Variants in AGBL1 observed in about 807,000 individuals in gnomAD.
AGBL1 encodes cytosolic carboxypeptidase 4.
Under a neutral mutation model 118.9 loss-of-function variants are expected in AGBL1, and 130 were observed. The observed-to-expected ratio is 1.09, with a 90% CI of 0.95 to 1.26. AGBL1 has a LOEUF of 1.26. Among genes scored for constraint, AGBL1 ranks in the 50% most tolerant of loss-of-function variants. The pLI, the probability that AGBL1 is intolerant of heterozygous loss-of-function variation, is 0.00. For missense variants in AGBL1, 1,584 were observed against 1,298.1 expected (o/e 1.22, Z -3.38); for synonymous variants, 555 against 478.9 (o/e 1.16, Z -2.08).
At chr15:86,117,567 G>A (rs1003771187) in intron 1 of AGBL1, among the ~76,000 whole-genome samples, 19 of 152,116 alleles carry the variant, frequency 1.2e-4, no homozygotes, top group African/African-American at 4.6e-4. Flanking sequence ...CACAGATGAG[G>A]AAACCAAGGC....
chr15:86,726,915 C>T (rs935430136), intron 22 of AGBL1, among the ~76,000 whole-genome samples: 1 of 152,140 alleles, frequency 6.6e-6, no homozygotes, highest in African/African-American at 2.4e-5. Context: ...TAGTTTCTGA[C>T]AAGGCTACAA....
chr15:86,329,691 C>A (rs2080240898), intron 17 of AGBL1, among the ~76,000 whole-genome samples: 1 of 152,160 alleles, frequency 6.6e-6, no homozygotes, highest in African/African-American at 2.4e-5. Context: ...GCACCCAAAG[C>A]ACCTCATTAC....
At chr15:86,495,782 TA>T in intron 18 of AGBL1, among the ~76,000 whole-genome samples, 1 of 152,102 alleles carries the variant, frequency 6.6e-6, no homozygotes. Flanking sequence ...CTGTTTGGTA[TA>T]TAATTTTTTA....
At chr15:86,865,020 C>T (rs1447928765) in intron 22 of AGBL1, among the ~76,000 whole-genome samples, 1 of 152,164 alleles carries the variant, frequency 6.6e-6, no homozygotes, top group Non-Finnish European at 1.5e-5. Context: ...AATATTTGTT[C>T]TCCCTGGAGC....
intron 21 of AGBL1, 88 bp from the exon 22 acceptor site, chr15:86,674,185 G>C (rs2085794889): frequency 8.0e-7 from 1 of 1,252,748 alleles, no homozygotes; most frequent in Admixed American, 2.1e-5. Flanking sequence ...AAATGCCTGT[G>C]TGTAGAAGTC....
chr15:86,218,101 A>G (rs1051867217), intron 5 of AGBL1, among the ~76,000 whole-genome samples: 10 of 152,174 alleles, frequency 6.6e-5, no homozygotes, highest in African/African-American at 2.4e-4. Context: ...AAGTTAAAAT[A>G]TATGTTCCAA....
intron 8 of AGBL1, among the ~76,000 whole-genome samples, chr15:86,257,274 C>G (rs777993878): frequency 6.6e-6 from 1 of 152,060 alleles, no homozygotes; most frequent in East Asian, 1.9e-4. Context: ...CTATCAAATG[C>G]CTGTACAGTC....
chr15:86,195,677 A>G lies in AGBL1; in HGVS notation c.489-29237A>G, dbSNP rs111727492. 5.3e-5 allele frequency among the ~76,000 whole-genome samples: 8 copies of G among 152,330 alleles called. No individual in the cohort carries two copies. The South Asian group carries it at 6.2e-4, about 12-fold the overall frequency. On this transcript the variant is annotated intron_variant, in intron 5 of 22. Transcript: ENST00000614907. ...ATCCTGTCACTCTCAGTGTTCACCAATAAATGTCCATATAGCATTTTTTAT... is the reference window on the plus strand; with the variant it reads ...ATCCTGTCACTCTCAGTGTTCACCAGTAAATGTCCATATAGCATTTTTTAT...
intron 22 of AGBL1, among the ~76,000 whole-genome samples, chr15:86,828,894 T>C (rs2079066704): frequency 7.3e-6 from 1 of 136,338 alleles, no homozygotes; most frequent in African/African-American, 2.7e-5. Context: ...ATATAATTCA[T>C]ATGGTCATAA....
chr15:86,487,640 C>T (rs1435117858), intron 18 of AGBL1, among the ~76,000 whole-genome samples: 2 of 151,898 alleles, frequency 1.3e-5, no homozygotes, highest in South Asian at 4.1e-4. Flanking sequence ...GAGGCCGAGA[C>T]CAGTGCCAGA....
At chr15:86,232,943 G>A (rs1053691775) in intron 6 of AGBL1, among the ~76,000 whole-genome samples, 2 of 152,186 alleles carry the variant, frequency 1.3e-5, no homozygotes, top group South Asian at 2.1e-4. Flanking sequence ...TACCTGCACT[G>A]AATAATGACT....
At chr15:86,174,250 T>C (rs1328399008) in intron 5 of AGBL1, among the ~76,000 whole-genome samples, 1 of 152,128 alleles carries the variant, frequency 6.6e-6, no homozygotes, top group Non-Finnish European at 1.5e-5. Flanking sequence ...ATTTTTCAGC[T>C]AGTTTCTTAT....
At chr15:86,723,593 C>G (rs1005898042) in intron 22 of AGBL1, among the ~76,000 whole-genome samples, 1 of 152,058 alleles carries the variant, frequency 6.6e-6, no homozygotes, top group East Asian at 1.9e-4. Context: ...CAACATGGCA[C>G]GTGTATACAC....
intron 17 of AGBL1, among the ~76,000 whole-genome samples, chr15:86,392,701 C>G (rs1231297706): frequency 6.6e-6 from 1 of 152,090 alleles, no homozygotes; most frequent in Non-Finnish European, 1.5e-5. Context: ...TATTCAATCC[C>G]CTACTTGTTC....
chr15:86,614,886 T>C (rs1387011347), intron 21 of AGBL1, among the ~76,000 whole-genome samples: 5 of 152,224 alleles, frequency 3.3e-5, no homozygotes, highest in Non-Finnish European at 7.3e-5. Flanking sequence ...CTTTATGGCC[T>C]ATTGGAGGCT....
At chr15:86,892,929 G>A (rs1322976725) in intron 22 of AGBL1, among the ~76,000 whole-genome samples, 1 of 152,200 alleles carries the variant, frequency 6.6e-6, no homozygotes, top group African/African-American at 2.4e-5. Context: ...GTCTGTAAGT[G>A]TGGATGAGTT....
chr15:86,138,296 C>G (rs2076916538), intron 1 of AGBL1: 1 of 152,272 alleles, frequency 6.6e-6, no homozygotes, highest in Non-Finnish European at 1.5e-5. Flanking sequence ...TCTCAAGAGT[C>G]TCCCATCCAA....
At chr15:86,548,667 A>G (rs113273172) in intron 20 of AGBL1, among the ~76,000 whole-genome samples, 255 of 57,980 alleles carry the variant, frequency 4.4e-3, no homozygotes, top group South Asian at 0.031. Flanking sequence ...ATGCACGCAC[A>G]CACACACACA....
chr15:86,120,507 C>A (rs1898030795), intron 1 of AGBL1, among the ~76,000 whole-genome samples: 1 of 152,300 alleles, frequency 6.6e-6, no homozygotes, highest in South Asian at 2.1e-4. Context: ...GATGTGCCCT[C>A]TTAGACCTGG....
Sources: gnomAD v4.1 joint callset for allele counts (sites outside exome capture counted in the v4.1 genomes callset) on GRCh38, gnomAD v4.1.1 for gene constraint, MANE v1.5 for transcripts, NCBI Gene and HGNC (gene_info 2026-07-23, HGNC 2026-07-21) for gene names.